Variants in WFDC1 observed in about 807,000 individuals in gnomAD.
WFDC1 encodes WAP four-disulfide core domain 1.
A neutral mutation model predicts 32.9 loss-of-function variants in WFDC1; 39 were observed. The observed-to-expected ratio is 1.19, with a 90% CI of 0.92 to 1.55. The LOEUF (loss-of-function observed/expected upper bound fraction) is 1.55, where lower values mean the gene tolerates loss of function less well. WFDC1 is among the 40% of genes most tolerant of loss of function. The probability of loss-of-function intolerance (pLI) is 0.00; values close to 1 mark genes in which losing one functional copy is unlikely to be tolerated. For missense variants in WFDC1, 386 were observed against 309.5 expected, an observed-to-expected ratio of 1.25 and a Z score of -1.85; for synonymous variants, 184 against 137.4, an observed-to-expected ratio of 1.34 and a Z score of -2.37.
At chr16:84,307,233 A>G (rs1278287250) in intron 1 of WFDC1, among the ~76,000 whole-genome samples, 2 of 152,174 alleles carry the variant, frequency 1.3e-5, no homozygotes, top group East Asian at 1.9e-4. Context: ...GGCCAGGGAT[A>G]AATTGGAGGG....
intron 1 of WFDC1, among the ~76,000 whole-genome samples, chr16:84,304,009 G>A (rs1393649877): frequency 6.6e-6 from 1 of 152,176 alleles, no homozygotes; most frequent in African/African-American, 2.4e-5. Context: ...TTAACATGGT[G>A]GATCGACATC....
At chr16:84,299,640 C>G (rs542821516) in intron 1 of WFDC1, among the ~76,000 whole-genome samples, 4 of 152,328 alleles carry the variant, frequency 2.6e-5, no homozygotes, top group African/African-American at 9.6e-5. Flanking sequence ...ACAAATCCAC[C>G]GGGTGGGGCC....
At chr16:84,297,542 G>A (rs1387977020) in intron 1 of WFDC1, among the ~76,000 whole-genome samples, 3 of 149,944 alleles carry the variant, frequency 2.0e-5, no homozygotes, top group East Asian at 2.0e-4. Flanking sequence ...GCTTGAACCC[G>A]GGAGGTGGAG....
chr16:84,327,312 T>G (rs901639434), intron 6 of WFDC1: 1 of 221,860 alleles, frequency 4.5e-6, no homozygotes, highest in Non-Finnish European at 9.1e-6. Flanking sequence ...TGCCTCAGCT[T>G]TAGTCTCAGT....
intron 4 of WFDC1, among the ~76,000 whole-genome samples, chr16:84,321,281 C>G (rs1250083364): frequency 1.3e-5 from 2 of 152,170 alleles, no homozygotes; most frequent in Non-Finnish European, 2.9e-5. Flanking sequence ...TCCATCAATT[C>G]ACAAGCACAG....
At chr16:84,324,581 G>T (rs920295311) in intron 5 of WFDC1, 121 bp downstream of exon 5, 13 of 1,135,660 alleles carry the variant, frequency 1.1e-5, no homozygotes, top group African/African-American at 4.7e-5. Context: ...TGGGACCTGG[G>T]ATTAAGAAAC....
At chr16:84,308,086 A>G (rs914553187) in intron 1 of WFDC1, among the ~76,000 whole-genome samples, 9 of 152,316 alleles carry the variant, frequency 5.9e-5, no homozygotes, top group African/African-American at 2.2e-4. Context: ...TACAAGAGTA[A>G]AAAGAAGGGT....
At chr16:84,326,750 A>G in intron 5 of WFDC1, 132 bp from the exon 6 acceptor site, 3 of 984,700 alleles carry the variant, frequency 3.0e-6, no homozygotes, top group Non-Finnish European at 3.2e-6. Context: ...GTGGGGACTG[A>G]GTGACCTCAG....
At chr16:84,305,052 CT>C (rs57949420) in intron 1 of WFDC1, among the ~76,000 whole-genome samples, 10,639 of 152,288 alleles carry the variant, frequency 0.07, 1,165 homozygotes, top group African/African-American at 0.23. Context: ...GCTGCTTGCT[CT>C]TGGGCAAATG....
rs10687228 is a variant in WFDC1 at position 84,322,160 on chromosome 16, C to CGTGTGTGTGTGTGTGTGTGTGTGTGTGT, written c.563-2255_563-2228dup. Among the ~76,000 whole-genome samples the CGTGTGTGTGTGTGTGTGTGTGTGTGTGT allele has an allele frequency of 3.3e-4, 47 of 142,282 alleles. 2 individuals are homozygous for CGTGTGTGTGTGTGTGTGTGTGTGTGTGT. In the East Asian group the frequency reaches 6.0e-3, roughly 18 times the overall value. 93.3% of individuals were successfully genotyped at this position (142,282 alleles called of 152,430 possible). A position where few individuals can be genotyped will look rare whatever the true frequency, so the allele number is the denominator to read the frequency against. ...GCCTCAGAGCCTGTGTGTGTGTGTGCGTGTGTGTGTGTGTGTGTGTGTGTG... is the reference window on the plus strand; with the variant it reads ...GCCTCAGAGCCTGTGTGTGTGTGTGCGTGTGTGTGTGTGTGTGTGTGTGTGTGTGTGTGTGTGTGTGTGTGTGTGTGTG... On this transcript the variant is annotated intron_variant, in intron 4 of 6. Coordinates refer to ENST00000219454, the MANE Select transcript of WFDC1 (RefSeq NM_021197.4).
intron 5 of WFDC1, among the ~76,000 whole-genome samples, chr16:84,324,964 C>G (rs1018762625): frequency 2.8e-4 from 42 of 152,000 alleles, no homozygotes; most frequent in Non-Finnish European, 5.9e-5. Flanking sequence ...TCCATTCATT[C>G]CTCTATCAAT....
At chr16:84,320,805 G>A (rs1908263193) in intron 4 of WFDC1, among the ~76,000 whole-genome samples, 1 of 152,136 alleles carries the variant, frequency 6.6e-6, no homozygotes, top group Non-Finnish European at 1.5e-5. Flanking sequence ...CAAGATTGGT[G>A]ATAATTACAG....
At chr16:84,312,926 G>T in intron 1 of WFDC1, 35 bp from the exon 2 acceptor site, 1 of 1,142,244 alleles carries the variant, frequency 8.8e-7, no homozygotes, top group Non-Finnish European at 1.1e-6. Flanking sequence ...TCGAACGCGC[G>T]CCCCAGAGCT....
intron 3 of WFDC1, chr16:84,318,630 G>C: frequency 2.8e-6 from 1 of 361,864 alleles, no homozygotes; most frequent in Non-Finnish European, 5.3e-6. Flanking sequence ...GGGGCTTAGG[G>C]TTGGTTTTCA....
chr16:84,298,407 T>C (rs1186976039), intron 1 of WFDC1, among the ~76,000 whole-genome samples: 2 of 152,196 alleles, frequency 1.3e-5, no homozygotes, highest in Non-Finnish European at 2.9e-5. Flanking sequence ...GAAATACTTC[T>C]TGTTAGAAAT....
chr16:84,302,137 G>C (rs244835), intron 1 of WFDC1, among the ~76,000 whole-genome samples: 1 of 151,918 alleles, frequency 6.6e-6, no homozygotes, highest in African/African-American at 2.4e-5. Flanking sequence ...GACACTGTTT[G>C]GATGCAACGT....
chr16:84,319,150 C>A, intron 3 of WFDC1: 2 of 477,740 alleles, frequency 4.2e-6, no homozygotes, highest in South Asian at 6.5e-5. Flanking sequence ...TATCCGTGAA[C>A]ATGTCTATAT....
chr16:84,305,140 T>G (rs1597667280), intron 1 of WFDC1, among the ~76,000 whole-genome samples: 1 of 152,332 alleles, frequency 6.6e-6, no homozygotes, highest in South Asian at 2.1e-4. Flanking sequence ...AGGGTGATAC[T>G]GAAGATTCAG....
intron 1 of WFDC1, among the ~76,000 whole-genome samples, 174 bp from the exon 2 acceptor site, chr16:84,312,787 C>T (rs111489420): frequency 1.3e-5 from 2 of 152,200 alleles, no homozygotes; most frequent in African/African-American, 2.4e-5. Context: ...TACATGGTAT[C>T]TTCTGACCTT....
Sources: allele counts gnomAD v4.1 joint callset (sites outside exome capture counted in the v4.1 genomes callset), GRCh38; gene constraint gnomAD v4.1.1; transcripts MANE v1.5; gene names NCBI Gene and HGNC (gene_info 2026-07-23, HGNC 2026-07-21).